Variants in RALGAPA1 observed in about 807,000 individuals in gnomAD.
The protein encoded by RALGAPA1 is ral GTPase-activating protein subunit alpha-1.
RALGAPA1 carries 52 observed loss-of-function variants against 269.6 expected under a neutral mutation model. The observed-to-expected ratio is 0.19, with a 90% CI of 0.15 to 0.24. The LOEUF (loss-of-function observed/expected upper bound fraction) is 0.24, where lower values mean the gene tolerates loss of function less well. Among genes scored for constraint, RALGAPA1 ranks in the 10% least tolerant of loss-of-function variants. The pLI is 1.00. For synonymous variants in RALGAPA1, 817 were observed against 1,008.3 expected, an observed-to-expected ratio of 0.81 and a Z score of 3.60; for missense variants, 1,917 against 3,013.9, an observed-to-expected ratio of 0.64 and a Z score of 8.52.
At chr14:35,625,338 G>A (rs373859527) in intron 35 of RALGAPA1, 23 bp downstream of exon 35, 1 of 1,541,560 alleles carries the variant, frequency 6.5e-7, no homozygotes, top group Non-Finnish European at 8.9e-7. Context: ...TGCTAGTTAT[G>A]TGAAGATTTT....
intron 26 of RALGAPA1, among the ~76,000 whole-genome samples, chr14:35,665,292 C>T (rs1030649564): frequency 6.6e-6 from 1 of 152,176 alleles, no homozygotes; most frequent in Admixed American, 6.5e-5. Flanking sequence ...GTCTGGACTG[C>T]CAATGAAGGT....
Position 35,678,672 on chromosome 14 carries a change from T to C in RALGAPA1, c.4472-570A>G, listed in dbSNP as rs377383254. Reference sequence around the variant, plus strand: ...GGCCTCAGCATAAGCCCTAACTTCCTAGTATGGTTCTCAAGTCTCTCTATA... The same window carrying C: ...GGCCTCAGCATAAGCCCTAACTTCCCAGTATGGTTCTCAAGTCTCTCTATA... On this transcript the variant is annotated intron_variant, in intron 21 of 41. Transcript: ENST00000680220. 7.9e-5 allele frequency among the ~76,000 whole-genome samples: 12 copies of C among 152,284 alleles called. No individual in the cohort carries two copies. The South Asian group carries it at 1.7e-3, about 21-fold the overall frequency.
intron 39 of RALGAPA1, among the ~76,000 whole-genome samples, chr14:35,550,687 G>A (rs1379209586): frequency 6.6e-6 from 1 of 152,058 alleles, no homozygotes; most frequent in Non-Finnish European, 1.5e-5. Context: ...TTGCTAAGTG[G>A]CTTTCATATT....
intron 16 of RALGAPA1, among the ~76,000 whole-genome samples, chr14:35,704,095 C>T (rs567177988): frequency 6.6e-6 from 1 of 152,254 alleles, no homozygotes; most frequent in South Asian, 2.1e-4. Context: ...ATTATGTATA[C>T]ATTCCTATCC....
At chr14:35,759,060 T>C (rs2073450451) in intron 6 of RALGAPA1, among the ~76,000 whole-genome samples, 1 of 152,176 alleles carries the variant, frequency 6.6e-6, no homozygotes, top group African/African-American at 2.4e-5. Flanking sequence ...GGGACTGCGC[T>C]ACAGCATAGG....
At chr14:35,676,890 T>G (rs1366011665) in intron 22 of RALGAPA1, 1 of 152,226 alleles carries the variant, frequency 6.6e-6, no homozygotes, top group Non-Finnish European at 1.5e-5. Flanking sequence ...TTACTAGCCT[T>G]GAAACACTTC....
chr14:35,751,307 C>T (rs1036642162), intron 8 of RALGAPA1, among the ~76,000 whole-genome samples: 2 of 152,184 alleles, frequency 1.3e-5, no homozygotes, highest in African/African-American at 2.4e-5. Context: ...ATTATTCACA[C>T]AGAATTTGAA....
At chr14:35,628,986 G>A (rs2061156312) in intron 33 of RALGAPA1, among the ~76,000 whole-genome samples, 1 of 152,066 alleles carries the variant, frequency 6.6e-6, no homozygotes, top group Non-Finnish European at 1.5e-5. Context: ...TGAAGGAGGA[G>A]GAAAAGGGAG....
chr14:35,581,325 A>C (rs34239430), intron 37 of RALGAPA1, among the ~76,000 whole-genome samples: 18,334 of 152,124 alleles, frequency 0.12, 1,169 homozygotes, highest in South Asian at 0.14. Context: ...TATATAGAGA[A>C]ATCAATGTTT....
At chr14:35,541,311 C>T (rs890628907) in intron 41 of RALGAPA1, among the ~76,000 whole-genome samples, 12 of 152,010 alleles carry the variant, frequency 7.9e-5, no homozygotes, top group Admixed American at 7.2e-4. Flanking sequence ...TCCCAAAGTG[C>T]TGGGATTGCA....
intron 33 of RALGAPA1, among the ~76,000 whole-genome samples, chr14:35,628,248 T>A (rs1404224305): frequency 1.3e-5 from 2 of 152,136 alleles, no homozygotes; most frequent in Non-Finnish European, 2.9e-5. Flanking sequence ...AAATCACTAA[T>A]GCACATTAAA....
At chr14:35,794,744 T>C (rs1225093040) in intron 1 of RALGAPA1, among the ~76,000 whole-genome samples, 1 of 152,216 alleles carries the variant, frequency 6.6e-6, no homozygotes, top group Non-Finnish European at 1.5e-5. Flanking sequence ...CGTGAGCCAC[T>C]GTGACCGGCC....
chr14:35,755,596 T>C (rs2073099900), intron 7 of RALGAPA1, among the ~76,000 whole-genome samples: 2 of 152,198 alleles, frequency 1.3e-5, no homozygotes, highest in Non-Finnish European at 2.9e-5. Flanking sequence ...ATAACAATGA[T>C]GATCATAACA....
At chr14:35,753,764 G>C (rs1275545036) in intron 7 of RALGAPA1, among the ~76,000 whole-genome samples, 1 of 152,084 alleles carries the variant, frequency 6.6e-6, no homozygotes, top group East Asian at 1.9e-4. Flanking sequence ...TACTGTGATG[G>C]CTGTGTAACC....
chr14:35,647,650 T>C (rs574213296), intron 31 of RALGAPA1, among the ~76,000 whole-genome samples: 49 of 152,268 alleles, frequency 3.2e-4, no homozygotes, highest in Non-Finnish European at 6.3e-4. Flanking sequence ...GAGAGGAATG[T>C]ATAATTATAA....
Position 35,570,730 on chromosome 14 carries a change from A to G in RALGAPA1, c.7383T>C (p.Gly2461=). The change falls in exon 39 of 42, where the codon GGT becomes GGC. Residue 2461 remains glycine, a synonymous_variant. Transcript: ENST00000680220. ...IMKKPEVPFF[G]PLFDGAIVNG... ...TCACAATAGCACCATCAAAAAGGGG[A>G]CCAAAGAAGGGAACCTGATTGAGAA... 1 of 1,597,328 alleles carries G rather than the reference A, an allele frequency of 6.3e-7. No individual in the cohort carries two copies. The highest frequency in any genetic ancestry group is 1.1e-5 in the South Asian group (1 of 87,462).
At position 35,548,512 on chromosome 14, in the gene RALGAPA1, A is replaced by C; in HGVS notation, c.*19T>G. On this transcript the variant is annotated 3_prime_UTR_variant, in exon 41 of 42. Coordinates refer to ENST00000680220, the MANE Select transcript of RALGAPA1 (RefSeq NM_001346249.2). Reference sequence around the variant, plus strand: ...TTGGTTGACACTTTGTCTTACCTTCAGATAAACAGAACTGATATTTAATGA... The same window carrying C: ...TTGGTTGACACTTTGTCTTACCTTCCGATAAACAGAACTGATATTTAATGA... The C allele has an allele frequency of 6.4e-7, 1 of 1,568,918 alleles. No homozygotes were observed. Among genetic ancestry groups the C allele is most frequent in the Non-Finnish European group, 8.6e-7 (1 of 1,156,324 alleles).
At chr14:35,799,726 A>G (rs1433623443) in intron 1 of RALGAPA1, among the ~76,000 whole-genome samples, 1 of 152,238 alleles carries the variant, frequency 6.6e-6, no homozygotes, top group East Asian at 1.9e-4. Context: ...AAATAGAAAG[A>G]TGACAAACTC....
intron 34 of RALGAPA1, 102 bp from the exon 35 acceptor site, chr14:35,625,534 C>T: frequency 1.3e-6 from 1 of 780,068 alleles, no homozygotes; most frequent in Non-Finnish European, 2.0e-6. Context: ...TTCTACTTTT[C>T]TTGCCTTTTC....
Sources: allele counts gnomAD v4.1 joint callset (sites outside exome capture counted in the v4.1 genomes callset), GRCh38; gene constraint gnomAD v4.1.1; transcripts MANE v1.5; gene names NCBI Gene and HGNC (gene_info 2026-07-23, HGNC 2026-07-21).